The following PTCH1 variants were observed in gnomAD, a reference collection of about 807,000 sequenced individuals.
PTCH1 encodes the protein patched 1, also known as protein patched homolog 1.
Under a neutral mutation model 144.6 loss-of-function variants are expected in PTCH1, and 14 were observed. The observed-to-expected ratio is 0.10, with a 90% CI of 0.06 to 0.15. PTCH1 has a LOEUF of 0.15. PTCH1 is among the 10% of genes least tolerant of loss of function. The pLI is 1.00. For synonymous variants in PTCH1, 833 were observed against 793.6 expected, an observed-to-expected ratio of 1.05 and a Z score of -0.83; for missense variants, 1,623 against 1,948.3, an observed-to-expected ratio of 0.83 and a Z score of 3.14.
rs2117948248 is a variant in PTCH1, at chr9:95,467,149, T to A, written c.2527A>T (p.Met843Leu). ...CAGTCTCTGAAGTAGTGCAGCCACATTTTGGGAAGCTGTTTGTTTTCTTCC... is the reference window on the plus strand; with the variant it reads ...CAGTCTCTGAAGTAGTGCAGCCACAATTTGGGAAGCTGTTTGTTTTCTTCC... ...MLEENKQLPK[M>L]WLHYFRDWLQ... The change falls in exon 15 of 24, where the codon ATG becomes TTG. Residue 843 changes from methionine (M) to leucine (L), a missense_variant. Transcript: ENST00000331920. 2 of 1,614,222 alleles carry A rather than the reference T, an allele frequency of 1.2e-6. No homozygotes were observed. Among genetic ancestry groups the A allele is most frequent in the Non-Finnish European group, 1.7e-6 (2 of 1,180,038 alleles).
In PTCH1 at chr9:95,467,210, T is replaced by C. The variant is rs750317626; in HGVS notation, c.2466A>G (p.Leu822=). The part of the protein sequence containing the change: ...YPNIQHLLYD[L]HRSFSNVKYV... ...ACTTCACGTTACTGAAACTCCTGTG[T>C]AGGTCGTAAAGTAAGTGCTGGATAT... Residue 822 remains leucine, a synonymous_variant, in exon 15 of 24, where the codon CTA becomes CTG. Coordinates refer to ENST00000331920, the MANE Select transcript of PTCH1 (RefSeq NM_000264.5). The C allele has an allele frequency of 6.8e-6, 11 of 1,614,110 alleles. No individual in the cohort carries two copies. The highest frequency in any genetic ancestry group is 1.7e-5 in the Admixed American group (1 of 60,008).
chr9:95,510,307 A>G (rs1257349212), upstream of PTCH1, among the ~76,000 whole-genome samples: 1 of 152,164 alleles, frequency 6.6e-6, no homozygotes, highest in African/African-American at 2.4e-5. Context: ...TAATAATAGT[A>G]TGACGTAGGA....
In PTCH1 at chr9:95,458,237, G is replaced by C. The variant is rs867973996; in HGVS notation, c.2944C>G (p.Arg982Gly). The change falls in exon 18 of 24, where the codon CGG (arginine) becomes GGG (glycine). Residue 982 changes from arginine (R) to glycine (G), a missense_variant. By Grantham distance (125) the Arg-to-Gly change is moderately radical. This residue lies in a region of PTCH1 where 504 missense variants were observed against 679.3 expected (regional missense o/e 0.74). Coordinates refer to ENST00000331920, the MANE Select transcript of PTCH1 (RefSeq NM_000264.5). This position sits in a 1 kb window ranked among gnomAD's most constrained non-coding sequence, Gnocchi z 4.7. ...GCCTCCACAAAGTCTGAGGTGTCCC[G>C]CAAGCCGTTGAGGTAGAAAGGGAAC... ...AQFPFYLNGLRDTSDFVEAIE... is the reference protein window; with the variant it reads ...AQFPFYLNGLGDTSDFVEAIE... 6.8e-6 allele frequency: 11 copies of C among 1,613,910 alleles called. 1 individual carries two copies. The Admixed American group carries it at 1.3e-4, about 20-fold the overall frequency.
chr9:95,447,908 T>C (rs897847075), intron 22 of PTCH1, among the ~76,000 whole-genome samples: 7 of 152,206 alleles, frequency 4.6e-5, no homozygotes, highest in African/African-American at 1.4e-4. Context: ...TGTGGTTGCT[T>C]AAGTTTTAAT....
intron 8 of PTCH1, 122 bp downstream of exon 8, chr9:95,478,878 C>A (rs1841304849): frequency 1.4e-6 from 2 of 1,476,778 alleles, no homozygotes; most frequent in Non-Finnish European, 1.8e-6. Context: ...TTCATCCCAT[C>A]AAGTTCCCAG....
rs527809715 is a variant in PTCH1, at chr9:95,462,380, T to C, written c.2561-382A>G. 1.8e-4 allele frequency among the ~76,000 whole-genome samples: 27 copies of C among 152,302 alleles called. No individual in the cohort carries two copies. In the East Asian group the frequency reaches 1.9e-3, roughly 11 times the overall value. On this transcript the variant is annotated intron_variant, in intron 15 of 23. Transcript: ENST00000331920. ...ACTCGGGGTGCTAAGTCATGAGTTC[T>C]TCAATACAACCAGAAATTCCACACA...
chr9:95,478,000 G>A, intron 9 of PTCH1, 55 bp downstream of exon 9: 1 of 1,613,162 alleles, frequency 6.2e-7, no homozygotes, highest in Non-Finnish European at 8.5e-7. Flanking sequence ...GAAAAGTAAA[G>A]ACTAAAACAA....
At chr9:95,464,151 A>T (rs1564027300) in intron 15 of PTCH1, among the ~76,000 whole-genome samples, 1 of 152,218 alleles carries the variant, frequency 6.6e-6, no homozygotes, top group Non-Finnish European at 1.5e-5. Flanking sequence ...TTCAAAGATG[A>T]ATACGAAACA....
chr9:95,453,339 C>T, intron 20 of PTCH1, 139 bp downstream of exon 20: 1 of 1,285,212 alleles, frequency 7.8e-7, no homozygotes, highest in Non-Finnish European at 1.1e-6. Flanking sequence ...CCATCTTGGC[C>T]AGGCTGGTCT....
At chr9:95,481,759 T>C (rs990095407) in intron 5 of PTCH1, 190 bp downstream of exon 5, 2 of 630,302 alleles carry the variant, frequency 3.2e-6, no homozygotes, top group Non-Finnish European at 2.8e-6. Flanking sequence ...CAGAATTGTT[T>C]TTTGAAAAGA....
chr9:95,456,974 C>T (rs1219382740), intron 18 of PTCH1, among the ~76,000 whole-genome samples: 3 of 152,078 alleles, frequency 2.0e-5, no homozygotes, highest in East Asian at 1.9e-4. Context: ...GCCAGGTAAG[C>T]GGGGAGGTCG....
chr9:95,507,860 G>T, intron 1 of PTCH1: 2 of 1,169,758 alleles, frequency 1.7e-6, no homozygotes, highest in Non-Finnish European at 2.2e-6. Flanking sequence ...GCCGTGGACG[G>T]CTTTCCAGTG....
intron 12 of PTCH1, among the ~76,000 whole-genome samples, chr9:95,475,247 C>T (rs1053989392): frequency 2.7e-4 from 41 of 152,184 alleles, no homozygotes; most frequent in African/African-American, 9.4e-4. Context: ...TTACAATTCA[C>T]AGAAGCTGAG....
intron 15 of PTCH1, among the ~76,000 whole-genome samples, chr9:95,465,382 AG>A: frequency 6.6e-6 from 1 of 152,198 alleles, no homozygotes; most frequent in East Asian, 1.9e-4. Context: ...GGAAAATGAA[AG>A]CAGGGACTCT....
intron 7 of PTCH1, among the ~76,000 whole-genome samples, chr9:95,479,549 G>A (rs1424642307): frequency 1.3e-5 from 2 of 152,148 alleles, no homozygotes; most frequent in Non-Finnish European, 2.9e-5. Context: ...ACACCTGACT[G>A]ACCAGAGTCC....
At chr9:95,506,719 G>T in intron 1 of PTCH1, 120 bp from the exon 2 acceptor site, 1 of 1,120,682 alleles carries the variant, frequency 8.9e-7, no homozygotes, top group Non-Finnish European at 1.2e-6. Context: ...GGTGGCCGCG[G>T]CACACGGACT....
chr9:95,510,800 G>A (rs1042427952), upstream of PTCH1, among the ~76,000 whole-genome samples: 3 of 151,410 alleles, frequency 2.0e-5, no homozygotes, highest in Admixed American at 6.6e-5. Context: ...GGAGGAGCAG[G>A]GAGAAGGCGG....
chr9:95,506,054 C>T (rs1221621723), intron 2 of PTCH1, among the ~76,000 whole-genome samples: 13 of 148,054 alleles, frequency 8.8e-5, no homozygotes, highest in Non-Finnish European at 2.0e-4. Context: ...GAGAGGCCAG[C>T]CCCGGGGCGC....
At chr9:95,506,295 C>G in intron 2 of PTCH1, 112 bp downstream of exon 2, 1 of 1,256,726 alleles carries the variant, frequency 8.0e-7, no homozygotes, top group Non-Finnish European at 1.1e-6. Context: ...CGGGTGCGGG[C>G]AGGGGGTTTC....
Sources: gnomAD v4.1 joint callset for allele counts (sites outside exome capture counted in the v4.1 genomes callset) on GRCh38, gnomAD v4.1.1 for gene constraint, gnomAD v4.1.1 regional missense constraint, Gnocchi (gnomAD v3.1) non-coding constraint, MANE v1.5 for transcripts, NCBI Gene and HGNC (gene_info 2026-07-23, HGNC 2026-07-21) for gene names.